The following NAV2 variants were observed in gnomAD, a reference collection of about 807,000 sequenced individuals.
NAV2 encodes the protein helicase, APC down-regulated 1.
A neutral mutation model predicts 223.2 loss-of-function variants in NAV2; 54 were observed. The observed-to-expected ratio is 0.24, with a 90% CI of 0.19 to 0.30. The LOEUF is 0.30. Among genes scored for constraint, NAV2 ranks in the 10% least tolerant of loss-of-function variants. NAV2 has a pLI of 1.00. For synonymous variants in NAV2, 1,279 were observed against 1,239.3 expected, an observed-to-expected ratio of 1.03 and a Z score of -0.67; for missense variants, 2,806 against 3,147.5, an observed-to-expected ratio of 0.89 and a Z score of 2.60.
upstream of NAV2, among the ~76,000 whole-genome samples, chr11:19,349,205 T>G (rs1853156005): frequency 6.6e-6 from 1 of 152,224 alleles, no homozygotes; most frequent in Non-Finnish European, 1.5e-5. Context: ...GGAATTCACT[T>G]GCAGAAATCT....
At chr11:19,508,933 C>T (rs144781650) in intron 1 of NAV2, among the ~76,000 whole-genome samples, 198 of 152,244 alleles carry the variant, frequency 1.3e-3, no homozygotes, top group Admixed American at 5.7e-3. Context: ...ACTAAGTGTT[C>T]AGGAGAAAGC....
At chr11:19,856,092 G>C (rs1206338815) in intron 3 of NAV2, among the ~76,000 whole-genome samples, 1 of 152,168 alleles carries the variant, frequency 6.6e-6, no homozygotes, top group Non-Finnish European at 1.5e-5. Context: ...ATTTTATCTA[G>C]TTCAACCAAA....
intron 6 of NAV2, among the ~76,000 whole-genome samples, chr11:19,898,493 G>T (rs538708546): frequency 2.9e-4 from 44 of 152,246 alleles, no homozygotes; most frequent in African/African-American, 9.6e-4. Context: ...ATGAAGTCAT[G>T]GACAGCCTTT....
At chr11:20,091,094 C>T in intron 27 of NAV2, 76 bp downstream of exon 27, 4 of 1,514,854 alleles carry the variant, frequency 2.6e-6, no homozygotes, top group African/African-American at 2.7e-5. Flanking sequence ...CCACTAAGCC[C>T]TGAGGGCTGC....
intron 10 of NAV2, among the ~76,000 whole-genome samples, chr11:19,976,937 C>T (rs1044680519): frequency 1.3e-5 from 2 of 152,198 alleles, no homozygotes; most frequent in Non-Finnish European, 2.9e-5. Flanking sequence ...GAAGATTTTA[C>T]TCACGATGTA....
intron 6 of NAV2, among the ~76,000 whole-genome samples, chr11:19,917,314 T>G (rs2043888950): frequency 6.6e-6 from 1 of 152,178 alleles, no homozygotes; most frequent in South Asian, 2.1e-4. Context: ...GCATTTCATA[T>G]TTTTAGTAAC....
chr11:19,932,236 CA>C (rs398015484), intron 6 of NAV2, among the ~76,000 whole-genome samples: 108 of 78,998 alleles, frequency 1.4e-3, no homozygotes, highest in African/African-American at 5.7e-3. Flanking sequence ...CACTCTTAAG[CA>C]AAAAAAAAAA....
intron 1 of NAV2, among the ~76,000 whole-genome samples, chr11:19,603,958 G>A (rs1590657946): frequency 6.6e-6 from 1 of 152,304 alleles, no homozygotes; most frequent in Middle Eastern, 3.4e-3. Context: ...AATGGCATGT[G>A]CAAAGGCCCT....
At chr11:19,520,786 T>C (rs780318437) in intron 1 of NAV2, among the ~76,000 whole-genome samples, 19 of 152,186 alleles carry the variant, frequency 1.2e-4, no homozygotes, top group Admixed American at 8.5e-4. Context: ...CAGGTACCTC[T>C]GGGTACCAGG....
chr11:19,813,397 G>C (rs1374437220), intron 1 of NAV2, among the ~76,000 whole-genome samples: 2 of 152,182 alleles, frequency 1.3e-5, no homozygotes, highest in Non-Finnish European at 2.9e-5. Context: ...GGGCCAAGTG[G>C]GGGAATGATT....
At chr11:19,870,112 G>A (rs1026689556) in intron 4 of NAV2, among the ~76,000 whole-genome samples, 4 of 152,106 alleles carry the variant, frequency 2.6e-5, no homozygotes, top group African/African-American at 9.7e-5. Flanking sequence ...AGTCAGGCAC[G>A]GCCACACTGC....
At chr11:20,093,328 TC>T in intron 29 of NAV2, 129 bp downstream of exon 29, 1 of 661,188 alleles carries the variant, frequency 1.5e-6, no homozygotes, top group Non-Finnish European at 2.8e-6. Context: ...CTAACCCTTC[TC>T]TTAACTAACC....
At chr11:19,439,693 T>C (rs921609264) in intron 1 of NAV2, among the ~76,000 whole-genome samples, 19 of 152,244 alleles carry the variant, frequency 1.2e-4, no homozygotes, top group Non-Finnish European at 2.5e-4. Context: ...CATGACATGA[T>C]CAAGAAATAC....
In NAV2 at chr11:19,712,969, T is replaced by A. The variant is rs1386897892; in HGVS notation, c.-727T>A. On this transcript the variant is annotated 5_prime_UTR_variant, in exon 1 of 38. Coordinates refer to ENST00000349880, the MANE Select transcript of NAV2 (RefSeq NM_145117.5). ...CGCGCCCCACGGCCACAGCCTTGCC[T>A]CTATCTAGCTCACGGAGCATGTGCA... is the stretch of plus-strand genomic sequence containing the variant. Among the ~76,000 whole-genome samples the A allele has an allele frequency of 3.9e-5, 6 of 152,010 alleles. No homozygotes were observed. Among genetic ancestry groups the A allele is most frequent in the Non-Finnish European group, 7.4e-5 (5 of 67,948 alleles).
chr11:19,698,543 C>A (rs1182210556), intron 1 of NAV2, among the ~76,000 whole-genome samples: 3 of 152,244 alleles, frequency 2.0e-5, no homozygotes, highest in Non-Finnish European at 4.4e-5. Flanking sequence ...TGAGAGGCCT[C>A]CTGGCTCCAA....
chr11:19,534,341 T>G (rs1265324296), intron 1 of NAV2, among the ~76,000 whole-genome samples: 1 of 152,214 alleles, frequency 6.6e-6, no homozygotes, highest in African/African-American at 2.4e-5. Context: ...CAGTGCAGAC[T>G]TCAGTGCATG....
In NAV2 at chr11:19,933,357, A is replaced by T. The variant is rs572554239; in HGVS notation, c.1113A>T (p.Val371=). 6.2e-7 allele frequency: 1 copy of T among 1,602,088 alleles called. No individual in the cohort carries two copies. The highest frequency in any genetic ancestry group is 1.1e-5 in the South Asian group (1 of 89,646). The change falls in exon 7 of 38, where the codon GTA becomes GTT. Residue 371 remains valine, a synonymous_variant. Coordinates refer to ENST00000349880, the MANE Select transcript of NAV2 (RefSeq NM_145117.5). The surrounding 1 kb of genome is among the most constrained non-coding windows in gnomAD (Gnocchi z 4.3). ...TCAGCGTGAAGCACAGTGCCACGGT[A>T]TCCATGCTCTCGGTCAAGCCTCCTG... ...KSLSVKHSAT[V]SMLSVKPPGP...
chr11:19,838,280 G>A (rs748471949), intron 2 of NAV2, among the ~76,000 whole-genome samples: 7 of 152,162 alleles, frequency 4.6e-5, no homozygotes, highest in East Asian at 1.9e-4. Flanking sequence ...CCACTCCATC[G>A]TGGGTCAGGT....
intron 1 of NAV2, among the ~76,000 whole-genome samples, chr11:19,391,896 G>A (rs1411064351): frequency 6.6e-6 from 1 of 152,138 alleles, no homozygotes; most frequent in African/African-American, 2.4e-5. Flanking sequence ...TCAACTCGCA[G>A]GGATTAACCA....
Sources: allele counts gnomAD v4.1 joint callset (sites outside exome capture counted in the v4.1 genomes callset), GRCh38; gene constraint gnomAD v4.1.1; non-coding constraint Gnocchi (gnomAD v3.1); transcripts MANE v1.5; gene names NCBI Gene and HGNC (gene_info 2026-07-23, HGNC 2026-07-21).